Variants in CNTNAP2 observed in about 807,000 individuals in gnomAD.
CNTNAP2 encodes contactin associated protein 2.
A neutral mutation model predicts 155.2 loss-of-function variants in CNTNAP2; 98 were observed. That is an observed-to-expected ratio of 0.63 (90% CI 0.54 to 0.75). CNTNAP2 has a LOEUF of 0.75. Among genes scored for constraint, CNTNAP2 ranks in the 30% least tolerant of loss-of-function variants. The pLI, the probability that CNTNAP2 is intolerant of heterozygous loss-of-function variation, is 0.00. For synonymous variants in CNTNAP2, 651 were observed against 631.2 expected, an observed-to-expected ratio of 1.03 and a Z score of -0.47; for missense variants, 1,727 against 1,688.1, an observed-to-expected ratio of 1.02 and a Z score of -0.40.
rs1354717899 is a variant in CNTNAP2, at chr7:146,971,098, C to T, written c.403-72809C>T. Among the ~76,000 whole-genome samples the T allele has an allele frequency of 6.4e-4, 97 of 151,940 alleles. 1 individual carries two copies. Among genetic ancestry groups the T allele is most frequent in the Non-Finnish European group, 1.8e-4 (12 of 67,974 alleles). ...GGGAGGGATAGCTTTAGGAGATATA[C>T]CTAATGCTAAATGACAAGTTAATGG... On this transcript the variant is annotated intron_variant, in intron 3 of 23. Transcript: ENST00000361727.
chr7:146,348,140 C>T (rs1794845455), intron 1 of CNTNAP2, among the ~76,000 whole-genome samples: 1 of 152,106 alleles, frequency 6.6e-6, no homozygotes, highest in Admixed American at 6.5e-5. Flanking sequence ...AAGCCACAGG[C>T]TGGGCGCAGT....
chr7:147,049,847 T>A (rs571483813), intron 4 of CNTNAP2, among the ~76,000 whole-genome samples: 1 of 152,304 alleles, frequency 6.6e-6, no homozygotes, highest in Admixed American at 6.5e-5. Flanking sequence ...GTGTTTGTCA[T>A]CTTTCCTTTG....
At chr7:147,626,030 G>A (rs1015326974) in intron 12 of CNTNAP2, among the ~76,000 whole-genome samples, 87 of 152,124 alleles carry the variant, frequency 5.7e-4, no homozygotes, top group Non-Finnish European at 9.0e-4. Flanking sequence ...GAAGCCCAGG[G>A]AAGCCATCTC....
chr7:148,273,401 T>C (rs1287484764), intron 21 of CNTNAP2, among the ~76,000 whole-genome samples: 1 of 152,250 alleles, frequency 6.6e-6, no homozygotes, highest in Non-Finnish European at 1.5e-5. Context: ...AGAATATCAA[T>C]GTACAGCGAT....
At chr7:147,095,217 G>A (rs1283215491) in intron 4 of CNTNAP2, among the ~76,000 whole-genome samples, 3 of 129,508 alleles carry the variant, frequency 2.3e-5, no homozygotes, top group African/African-American at 6.0e-5. Context: ...TGTATTTTCA[G>A]TACAGATGGG....
chr7:146,769,705 A>G (rs375387022), intron 1 of CNTNAP2, among the ~76,000 whole-genome samples: 3 of 152,036 alleles, frequency 2.0e-5, no homozygotes, highest in African/African-American at 7.2e-5. Context: ...TATTTGTTAT[A>G]CTGGATAAGA....
intron 8 of CNTNAP2, among the ~76,000 whole-genome samples, chr7:147,259,127 T>G (rs1419040406): frequency 1.3e-5 from 2 of 152,232 alleles, no homozygotes; most frequent in Admixed American, 1.3e-4. Context: ...AGAAGACATG[T>G]ATTTAAGTCT....
intron 12 of CNTNAP2, among the ~76,000 whole-genome samples, chr7:147,584,040 CAGAG>C (rs1175348460): frequency 6.6e-6 from 1 of 152,056 alleles, no homozygotes; most frequent in East Asian, 1.9e-4. Flanking sequence ...CTTTTGTAGA[CAGAG>C]AGAACCATTC....
intron 11 of CNTNAP2, among the ~76,000 whole-genome samples, chr7:147,542,467 G>A (rs536589477): frequency 2.0e-5 from 3 of 152,284 alleles, no homozygotes; most frequent in East Asian, 3.9e-4. Context: ...CTGAGACTTA[G>A]CATCTTTATT....
intron 1 of CNTNAP2, among the ~76,000 whole-genome samples, chr7:146,714,963 C>G (rs1021200866): frequency 6.6e-6 from 1 of 152,250 alleles, no homozygotes; most frequent in South Asian, 2.1e-4. Flanking sequence ...GAATAACACT[C>G]TTACCTACTC....
intron 18 of CNTNAP2, among the ~76,000 whole-genome samples, chr7:148,200,663 G>A (rs955282760): frequency 1.3e-5 from 2 of 152,070 alleles, no homozygotes; most frequent in African/African-American, 4.8e-5. Context: ...ATACACCTAC[G>A]ATGCTACCAT....
At chr7:147,794,020 C>A (rs186559690) in intron 13 of CNTNAP2, among the ~76,000 whole-genome samples, 230 of 151,974 alleles carry the variant, frequency 1.5e-3, no homozygotes, top group Non-Finnish European at 2.3e-3. Flanking sequence ...TTTTATTCTG[C>A]AACTTTGCTA....
rs182762439 is a variant in CNTNAP2 at position 147,111,635 on chromosome 7, C to A, written c.754+3285C>A. 3.6e-3 allele frequency among the ~76,000 whole-genome samples: 551 copies of A among 152,212 alleles called. 4 individuals carry two copies. Among genetic ancestry groups the A allele is most frequent in the African/African-American group, 0.013 (532 of 41,548 alleles). On this transcript the variant is annotated intron_variant, in intron 5 of 23. Transcript: ENST00000361727. Reference sequence around the variant, plus strand: ...TTTATTCAATGAGGAATCCTTTTCCCATTGCTTGTTTTTGTCAGGTTTGTT... The same window carrying A: ...TTTATTCAATGAGGAATCCTTTTCCAATTGCTTGTTTTTGTCAGGTTTGTT...
At chr7:146,330,925 A>G (rs567672468) in intron 1 of CNTNAP2, among the ~76,000 whole-genome samples, 86 of 152,310 alleles carry the variant, frequency 5.6e-4, no homozygotes, top group African/African-American at 2.1e-3. Flanking sequence ...GAGAAAAGTA[A>G]TACTATGCTT....
intron 1 of CNTNAP2, among the ~76,000 whole-genome samples, chr7:146,383,769 T>C (rs978521598): frequency 6.6e-6 from 1 of 152,198 alleles, no homozygotes; most frequent in African/African-American, 2.4e-5. Context: ...GCACAATATA[T>C]CATTTGGACA....
At position 146,763,568 on chromosome 7, in the gene CNTNAP2, G is replaced by A. The variant is rs10226888; in HGVS notation, c.98-10703G>A. On this transcript the variant is annotated intron_variant, in intron 1 of 23. Coordinates refer to ENST00000361727, the MANE Select transcript of CNTNAP2 (RefSeq NM_014141.6). ...AATGCATATTAACTTTGCACTCAGCGTCACTGGGTAGTTAATACTATTTTT... is the reference window on the plus strand; with the variant it reads ...AATGCATATTAACTTTGCACTCAGCATCACTGGGTAGTTAATACTATTTTT... 9.4e-3 allele frequency among the ~76,000 whole-genome samples: 1,427 copies of A among 152,148 alleles called. 22 individuals are homozygous for A. Among genetic ancestry groups the A allele is most frequent in the African/African-American group, 0.03 (1,255 of 41,512 alleles).
intron 13 of CNTNAP2, among the ~76,000 whole-genome samples, chr7:147,732,427 A>G (rs1796759231): frequency 6.6e-6 from 1 of 151,924 alleles, no homozygotes; most frequent in Admixed American, 6.6e-5. Context: ...TTCTTAATCC[A>G]GTCTATCATT....
chr7:148,168,550 C>T (rs1049488905), intron 17 of CNTNAP2, among the ~76,000 whole-genome samples: 96 of 110,636 alleles, frequency 8.7e-4, no homozygotes, highest in East Asian at 2.9e-3. Context: ...CATCACACAC[C>T]GGGGCCTGTT....
chr7:147,497,155 A>C (rs944768712), intron 11 of CNTNAP2: 2 of 152,234 alleles, frequency 1.3e-5, no homozygotes, highest in African/African-American at 2.4e-5. Flanking sequence ...AATAAAAGTG[A>C]AATAATGTAA....
Sources: gnomAD v4.1 joint callset for allele counts (sites outside exome capture counted in the v4.1 genomes callset) on GRCh38, gnomAD v4.1.1 for gene constraint, MANE v1.5 for transcripts, NCBI Gene and HGNC (gene_info 2026-07-23, HGNC 2026-07-21) for gene names.